KLF12: variants seen among roughly 807,000 people sequenced by gnomAD.
The protein encoded by KLF12 is KLF transcription factor 12, also known as Krueppel-like factor 12.
KLF12 carries 9 observed loss-of-function variants against 37.8 expected under a neutral mutation model. The observed-to-expected ratio is 0.24, with a 90% CI of 0.14 to 0.42. The LOEUF is 0.42. Ranked by LOEUF, KLF12 falls within the 10% of genes least tolerant of loss-of-function variation. The pLI is 1.00. For synonymous variants in KLF12, 208 were observed against 202.1 expected (o/e 1.03, Z -0.25); for missense variants, 411 against 516.0 (o/e 0.80, Z 1.97).
chr13:73,825,648 G>T (rs1402163842), intron 4 of KLF12, among the ~76,000 whole-genome samples: 1 of 152,182 alleles, frequency 6.6e-6, no homozygotes, highest in African/African-American at 2.4e-5. Context: ...GTTGCTGTGT[G>T]TAGTTGTTTA....
the KLF12 span, among the ~76,000 whole-genome samples, chr13:74,244,543 G>T: frequency 6.6e-6 from 1 of 152,190 alleles, no homozygotes; most frequent in Non-Finnish European, 1.5e-5. Context: ...TGCAAGTGTT[G>T]TACTAAGAAG....
At chr13:73,938,449 C>CA (rs1317663265) in intron 3 of KLF12, among the ~76,000 whole-genome samples, 1 of 152,028 alleles carries the variant, frequency 6.6e-6, no homozygotes, top group Non-Finnish European at 1.5e-5. Context: ...GAGTCTTTTT[C>CA]AAAAAAGCAC....
intron 5 of KLF12, among the ~76,000 whole-genome samples, chr13:73,794,602 C>T (rs1433526649): frequency 1.3e-5 from 2 of 152,172 alleles, no homozygotes; most frequent in Non-Finnish European, 1.5e-5. Context: ...TCAACCCTGC[C>T]TGTTATCTGA....
the KLF12 span, among the ~76,000 whole-genome samples, chr13:74,224,564 C>G: frequency 6.6e-6 from 1 of 152,128 alleles, no homozygotes; most frequent in African/African-American, 2.4e-5. Context: ...TGAGCTCTTC[C>G]TCAGTTTTAT....
At chr13:74,087,486 G>A (rs1875384284) in intron 1 of KLF12, among the ~76,000 whole-genome samples, 1 of 152,126 alleles carries the variant, frequency 6.6e-6, no homozygotes, top group South Asian at 2.1e-4. Context: ...ACAGCTGCAC[G>A]ATATGGAGGA....
At chr13:73,726,703 T>G (rs1203763335) in intron 6 of KLF12, among the ~76,000 whole-genome samples, 2 of 152,240 alleles carry the variant, frequency 1.3e-5, no homozygotes, top group African/African-American at 4.8e-5. Context: ...GATGGACATT[T>G]GGGTTGATTC....
the KLF12 span, among the ~76,000 whole-genome samples, chr13:74,234,955 C>CCTAT: frequency 7.7e-6 from 1 of 129,248 alleles, no homozygotes; most frequent in African/African-American, 3.6e-5. Context: ...TCTCTATCTA[C>CCTAT]CTATCTATCT....
chr13:73,871,394 G>T (rs545273359), intron 3 of KLF12, among the ~76,000 whole-genome samples: 2 of 152,280 alleles, frequency 1.3e-5, no homozygotes, highest in South Asian at 4.1e-4. Flanking sequence ...TACTTAGAGT[G>T]GTTCGTGTTT....
the KLF12 span, among the ~76,000 whole-genome samples, chr13:74,184,974 G>A: frequency 3.3e-5 from 5 of 152,190 alleles, no homozygotes; most frequent in Non-Finnish European, 7.3e-5. Context: ...CTTTTACACA[G>A]TGATTTGAGG....
rs1873989507 is a variant in KLF12, at chr13:73,694,342, C to T, written c.*1148G>A. 1 of 152,624 alleles carries T rather than the reference C, an allele frequency of 6.6e-6. No individual in the cohort carries two copies. The highest frequency in any genetic ancestry group is 1.5e-5 in the Non-Finnish European group (1 of 68,040). The allele number at this position is 152,624 out of a possible 1,614,324, so 9.5% of individuals were successfully genotyped here. A position where few individuals can be genotyped will look rare whatever the true frequency, so the allele number is the denominator to read the frequency against. On this transcript the variant is annotated 3_prime_UTR_variant, in exon 8 of 8. Coordinates refer to ENST00000377669, the MANE Select transcript of KLF12 (RefSeq NM_007249.5). The stretch of plus-strand genomic sequence containing the variant: ...CTCAACCAAGCAGGACAACAAACAG[C>T]AGAAAGATTACCTCAGTGCTGTAAA...
chr13:74,070,104 G>A (rs554804087), intron 1 of KLF12, among the ~76,000 whole-genome samples: 8 of 152,262 alleles, frequency 5.3e-5, no homozygotes, highest in Admixed American at 2.0e-4. Context: ...AGAGAAACGA[G>A]GAAGACAGAT....
intron 5 of KLF12, among the ~76,000 whole-genome samples, chr13:73,799,582 G>T (rs1195746148): frequency 1.3e-5 from 2 of 151,894 alleles, no homozygotes; most frequent in Non-Finnish European, 2.9e-5. Flanking sequence ...ACTTAACTTG[G>T]ATAATAAGTC....
intron 3 of KLF12, among the ~76,000 whole-genome samples, chr13:73,847,161 C>A (rs1450665655): frequency 2.0e-5 from 3 of 152,114 alleles, no homozygotes; most frequent in Non-Finnish European, 4.4e-5. Context: ...TATATCTATT[C>A]ATTCATAAAT....
At chr13:74,246,077 C>T in the KLF12 span, among the ~76,000 whole-genome samples, 1 of 152,188 alleles carries the variant, frequency 6.6e-6, no homozygotes, top group Non-Finnish European at 1.5e-5. Context: ...TGACACGACA[C>T]CCAAGTGTGC....
At chr13:73,779,700 A>G (rs1880842420) in intron 5 of KLF12, among the ~76,000 whole-genome samples, 1 of 152,208 alleles carries the variant, frequency 6.6e-6, no homozygotes, top group Non-Finnish European at 1.5e-5. Flanking sequence ...TAGCTTGGGG[A>G]TCCCATTTGG....
chr13:74,113,462 C>T (rs529396551), intron 1 of KLF12, among the ~76,000 whole-genome samples: 3 of 152,300 alleles, frequency 2.0e-5, no homozygotes, highest in African/African-American at 7.2e-5. Flanking sequence ...TGCTCACTCA[C>T]TATTCTGAAA....
At chr13:74,162,342 A>G in the KLF12 span, among the ~76,000 whole-genome samples, 28 of 152,364 alleles carry the variant, frequency 1.8e-4, no homozygotes, top group African/African-American at 6.5e-4. Context: ...AACAACACAG[A>G]TTGATCAACA....
chr13:73,755,046 A>C (rs1358640052), intron 6 of KLF12, among the ~76,000 whole-genome samples: 1 of 152,172 alleles, frequency 6.6e-6, no homozygotes, highest in African/African-American at 2.4e-5. Flanking sequence ...AGTCACTTTC[A>C]CTGTAAGAAA....
At chr13:73,906,881 C>T (rs1375651634) in intron 3 of KLF12, among the ~76,000 whole-genome samples, 1 of 152,186 alleles carries the variant, frequency 6.6e-6, no homozygotes, top group East Asian at 1.9e-4. Context: ...CTACTTTAAT[C>T]TGGGTATCTC....
Sources: gnomAD v4.1 joint callset for allele counts (sites outside exome capture counted in the v4.1 genomes callset) on GRCh38, gnomAD v4.1.1 for gene constraint, MANE v1.5 for transcripts, NCBI Gene and HGNC (gene_info 2026-07-23, HGNC 2026-07-21) for gene names.